The following CDYL2 variants were observed in gnomAD, a reference collection of about 807,000 sequenced individuals.
The protein encoded by CDYL2 is chromodomain Y like 2, also known as chromodomain Y-like protein 2.
Under a neutral mutation model 49.4 loss-of-function variants are expected in CDYL2, and 23 were observed. The observed-to-expected ratio is 0.47, with a 90% confidence interval of 0.34 to 0.66. The LOEUF (loss-of-function observed/expected upper bound fraction) is 0.66. Among genes scored for constraint, CDYL2 ranks in the 30% least tolerant of loss-of-function variants. The pLI is 0.01. For synonymous variants in CDYL2, 360 were observed against 268.8 expected, an observed-to-expected ratio of 1.34 and a Z score of -3.32; for missense variants, 678 against 656.4, an observed-to-expected ratio of 1.03 and a Z score of -0.36.
chr16:80,758,893 G>A (rs183424268), intron 1 of CDYL2, among the ~76,000 whole-genome samples: 386 of 151,602 alleles, frequency 2.5e-3, no homozygotes, highest in Non-Finnish European at 3.4e-3. Flanking sequence ...CTAAAATTCC[G>A]AAGACTGGTT....
intron 3 of CDYL2, among the ~76,000 whole-genome samples, chr16:80,630,171 T>G (rs956154316): frequency 1.3e-5 from 2 of 152,234 alleles, no homozygotes; most frequent in Non-Finnish European, 2.9e-5. Context: ...CCCCTTCAGT[T>G]GTTGAGACAG....
chr16:80,804,273 G>A lies in CDYL2; in HGVS notation c.-100C>T. The A allele has an allele frequency of 9.1e-7, 1 of 1,098,206 alleles. No individual in the cohort carries two copies. Among genetic ancestry groups the A allele is most frequent in the Non-Finnish European group, 1.2e-6 (1 of 826,214 alleles). The allele number at this position is 1,098,206 out of a possible 1,614,324, so 68.0% of individuals were successfully genotyped here. A position where few individuals can be genotyped will look rare whatever the true frequency, so the allele number is the denominator to read the frequency against. ...CCGGTGTGCGCGTGTGTGTGCGCGC[G>A]TGTGTGTGCGAGTGTGTGTGGTGTG... is the stretch of plus-strand genomic sequence containing the variant. On this transcript the variant is annotated 5_prime_UTR_variant, in exon 1 of 7. In the 5' UTR this introduces an upstream ATG that the reference lacks. Coordinates refer to ENST00000570137, the MANE Select transcript of CDYL2 (RefSeq NM_152342.4).
At chr16:80,742,274 C>T (rs543762991) in intron 1 of CDYL2, 1 of 152,344 alleles carries the variant, frequency 6.6e-6, no homozygotes, top group East Asian at 1.9e-4. Context: ...TAATGTCCAA[C>T]AACAAGGATT....
chr16:80,647,350 A>G (rs1476553626), intron 2 of CDYL2, among the ~76,000 whole-genome samples: 1 of 152,188 alleles, frequency 6.6e-6, no homozygotes, highest in African/African-American at 2.4e-5. Context: ...CAGAAATAGA[A>G]AAAAACAAAA....
intron 1 of CDYL2, among the ~76,000 whole-genome samples, chr16:80,724,497 C>T (rs1202799922): frequency 2.0e-5 from 3 of 152,156 alleles, no homozygotes; most frequent in East Asian, 3.9e-4. Context: ...ATCCTGACTC[C>T]TTGTCATAGT....
rs149597228 is a variant in CDYL2, at chr16:80,645,703, C to T, written c.617-12467G>A. 7.6e-3 allele frequency among the ~76,000 whole-genome samples: 1,153 copies of T among 152,044 alleles called. 19 individuals carry two copies. The highest frequency in any genetic ancestry group is 0.027 in the African/African-American group (1,111 of 41,464). On this transcript the variant is annotated intron_variant, in intron 2 of 6. Transcript: ENST00000570137. Reference sequence around the variant, plus strand: ...ATGCACACGTATGTTTACTGTGGCACCATTCACAATAGCAAAGACTTGGAA... The same window carrying T: ...ATGCACACGTATGTTTACTGTGGCATCATTCACAATAGCAAAGACTTGGAA...
At position 80,804,258 on chromosome 16, in the gene CDYL2, CGT is replaced by C. The variant is rs1020610305; in HGVS notation, c.-87_-86del. ...GTGTGCGCGCGGGGTCCGGTGTGCG[CGT>C]GTGTGTGCGCGCGTGTGTGTGCGAG... On this transcript the variant is annotated 5_prime_UTR_variant, in exon 1 of 7. Coordinates refer to ENST00000570137, the MANE Select transcript of CDYL2 (RefSeq NM_152342.4). 3.3e-5 allele frequency: 40 copies of C among 1,210,660 alleles called. No homozygotes were observed. Among genetic ancestry groups the C allele is most frequent in the Admixed American group, 1.8e-4 (6 of 33,740 alleles). The allele number at this position is 1,210,660 out of a possible 1,614,324, so 75.0% of individuals were successfully genotyped here. A position where few individuals can be genotyped will look rare whatever the true frequency, so the allele number is the denominator to read the frequency against.
intron 1 of CDYL2, among the ~76,000 whole-genome samples, chr16:80,778,805 T>A (rs944350217): frequency 3.3e-5 from 5 of 151,748 alleles, no homozygotes; most frequent in African/African-American, 9.7e-5. Flanking sequence ...TAGAACAGAG[T>A]AGAATGCCTG....
chr16:80,743,104 C>G (rs771986802), intron 1 of CDYL2, among the ~76,000 whole-genome samples: 2 of 152,224 alleles, frequency 1.3e-5, no homozygotes, highest in South Asian at 2.1e-4. Context: ...AATCACAAAA[C>G]CTTCCTTTGG....
intron 6 of CDYL2, 40 bp from the exon 7 acceptor site, chr16:80,604,586 G>A (rs764267440): frequency 6.2e-7 from 1 of 1,610,778 alleles, no homozygotes; most frequent in African/African-American, 1.3e-5. Flanking sequence ...CGGGCACCAG[G>A]GACTCTGCTC....
intron 1 of CDYL2, among the ~76,000 whole-genome samples, chr16:80,754,856 C>T (rs1399835347): frequency 6.6e-6 from 1 of 152,082 alleles, no homozygotes; most frequent in Non-Finnish European, 1.5e-5. Flanking sequence ...AGGGGAGCCT[C>T]CTGTATCAGG....
At chr16:80,659,629 C>A (rs1480201913) in intron 2 of CDYL2, among the ~76,000 whole-genome samples, 1 of 151,144 alleles carries the variant, frequency 6.6e-6, no homozygotes, top group Non-Finnish European at 1.5e-5. Flanking sequence ...TGTCTATATA[C>A]ATATACATAT....
In CDYL2 at chr16:80,708,444, A is replaced by C. The variant is rs150606980; in HGVS notation, c.25-23315T>G. On this transcript the variant is annotated intron_variant, in intron 1 of 6. Transcript: ENST00000570137. Reference sequence around the variant, plus strand: ...TCTGCCATGATTGTGAGGCCTCCCCAGCCATGTGGAAACGTGAGGCCATTA... The same window carrying C: ...TCTGCCATGATTGTGAGGCCTCCCCCGCCATGTGGAAACGTGAGGCCATTA... 2.1e-3 allele frequency among the ~76,000 whole-genome samples: 322 copies of C among 152,280 alleles called. 1 individual carries two copies. Among genetic ancestry groups the C allele is most frequent in the Non-Finnish European group, 3.5e-3 (237 of 68,022 alleles).
At chr16:80,690,657 A>C (rs1340672081) in intron 1 of CDYL2, among the ~76,000 whole-genome samples, 3 of 152,148 alleles carry the variant, frequency 2.0e-5, no homozygotes, top group Non-Finnish European at 2.9e-5. Context: ...CAGTGGGTCC[A>C]ACCTGACCAA....
intron 1 of CDYL2, among the ~76,000 whole-genome samples, chr16:80,712,922 G>A (rs1904670088): frequency 6.6e-6 from 1 of 152,102 alleles, no homozygotes; most frequent in African/African-American, 2.4e-5. Context: ...AGCAAATGTG[G>A]ACTTCCTGCT....
intron 1 of CDYL2, among the ~76,000 whole-genome samples, chr16:80,780,258 G>C (rs954045505): frequency 6.6e-6 from 1 of 151,912 alleles, no homozygotes; most frequent in Non-Finnish European, 1.5e-5. Flanking sequence ...TCAGATTTTA[G>C]GTGTATACAA....
Position 80,672,295 on chromosome 16 carries a change from A to G in CDYL2, c.616+12243T>C, listed in dbSNP as rs991760389. ...CTATATTGAGCAGAAAAATCAAAATACAAGTGTTTTCATACAAAATGTTAC... is the reference window on the plus strand; with the variant it reads ...CTATATTGAGCAGAAAAATCAAAATGCAAGTGTTTTCATACAAAATGTTAC... On this transcript the variant is annotated intron_variant, in intron 2 of 6. Coordinates refer to ENST00000570137, the MANE Select transcript of CDYL2 (RefSeq NM_152342.4). Among the ~76,000 whole-genome samples the G allele has an allele frequency of 6.7e-4, 100 of 149,950 alleles. 1 individual carries two copies. The highest frequency in any genetic ancestry group is 1.4e-3 in the Non-Finnish European group (98 of 67,730).
chr16:80,645,994 G>T (rs1908324705), intron 2 of CDYL2, among the ~76,000 whole-genome samples: 1 of 114,866 alleles, frequency 8.7e-6, no homozygotes, highest in Admixed American at 9.5e-5. Flanking sequence ...ATGGGGTGGG[G>T]GGAGGGGGGA....
chr16:80,774,094 T>C (rs921514937), intron 1 of CDYL2, among the ~76,000 whole-genome samples: 1 of 152,076 alleles, frequency 6.6e-6, no homozygotes, highest in Non-Finnish European at 1.5e-5. Context: ...TTTATAATTT[T>C]GGCAATAAAT....
Sources: gnomAD v4.1 joint callset for allele counts (sites outside exome capture counted in the v4.1 genomes callset) on GRCh38, gnomAD v4.1.1 for gene constraint, MANE v1.5 for transcripts, NCBI Gene and HGNC (gene_info 2026-07-23, HGNC 2026-07-21) for gene names.